PGPEP1L: variants seen among roughly 807,000 people sequenced by gnomAD.
PGPEP1L encodes the protein pyroglutamyl-peptidase I like.
Under a neutral mutation model 6.0 loss-of-function variants are expected in PGPEP1L, and 7 were observed. The ratio of observed to expected loss-of-function variants is 1.17; its 90% CI spans 0.66 to 2.19. PGPEP1L has a LOEUF of 2.19. Ranked by LOEUF, PGPEP1L falls within the 30% of genes most tolerant of loss-of-function variation. The probability of loss-of-function intolerance (pLI) is 0.00; values close to 1 mark genes in which losing one functional copy is unlikely to be tolerated. For synonymous variants in PGPEP1L, 103 were observed against 83.9 expected (o/e 1.23, Z -1.24); for missense variants, 209 against 192.5 (o/e 1.09, Z -0.51).
intron 4 of PGPEP1L, 62 bp from the exon 5 acceptor site, chr15:98,968,759 C>G (rs754009145): frequency 2.0e-6 from 3 of 1,468,506 alleles, no homozygotes; most frequent in Admixed American, 2.0e-5. Flanking sequence ...GTGAAACATA[C>G]GCAGAAGTGG....
chr15:99,007,360 T>C lies in PGPEP1L; in HGVS notation c.-371A>G, dbSNP rs1206876595. The C allele has an allele frequency of 2.6e-5, 4 of 152,296 alleles. No individual in the cohort carries two copies. The highest frequency in any genetic ancestry group is 9.6e-5 in the African/African-American group (4 of 41,466). The allele number at this position is 152,296 out of a possible 1,614,324, so 9.4% of individuals were successfully genotyped here. On this transcript the variant is annotated splice_region_variant and 5_prime_UTR_variant, in exon 1 of 5. Transcript: ENST00000535714. ...GCTCTCCTAGCTCCTATCACTTACC[T>C]AGTTCCGTCATGGTGTGTCCAGAAT...
At chr15:98,982,700 CTTTTTTTTTTTTTTTTTTTTTT>C (rs369749842) in intron 2 of PGPEP1L, among the ~76,000 whole-genome samples, 1,920 of 52,548 alleles carry the variant, frequency 0.037, 83 homozygotes, top group African/African-American at 0.094. Flanking sequence ...TTATCTGAGG[CTTTTTTTTTTTTTTTTTTTTTT>C]TTTTTTGAGA....
At chr15:98,974,241 T>TG (rs2017537104) in intron 2 of PGPEP1L, among the ~76,000 whole-genome samples, 1 of 152,062 alleles carries the variant, frequency 6.6e-6, no homozygotes, top group Non-Finnish European at 1.5e-5. Flanking sequence ...TAGCTAGGCC[T>TG]GCTGGCGCAC....
chr15:98,987,392 C>T (rs1031320387), intron 2 of PGPEP1L, among the ~76,000 whole-genome samples: 2 of 151,974 alleles, frequency 1.3e-5, no homozygotes, highest in African/African-American at 4.8e-5. Flanking sequence ...GATGCACTCA[C>T]CCTCAACATT....
chr15:98,969,493 G>GCAGA lies in PGPEP1L; in HGVS notation c.137_140dup (p.Met48LeufsTer28). 6.2e-7 allele frequency: 1 copy of GCAGA among 1,614,058 alleles called. No homozygotes were observed. ...CTACGCGCTTGCAGACTGCCTTCAT[G>GCAGA]CAGACCCCTGACTCCAGCACGTCTG... On this transcript the variant is annotated frameshift_variant, in exon 4 of 5. Transcript: ENST00000535714. LOFTEE classifies it high-confidence loss of function.
chr15:98,991,500 T>TG (rs2017819482), intron 2 of PGPEP1L, among the ~76,000 whole-genome samples: 3 of 152,134 alleles, frequency 2.0e-5, no homozygotes, highest in African/African-American at 7.2e-5. Flanking sequence ...CAGGACCAGA[T>TG]GGATTCATGG....
intron 2 of PGPEP1L, among the ~76,000 whole-genome samples, chr15:98,973,523 A>G (rs1033159258): frequency 1.3e-5 from 2 of 152,258 alleles, no homozygotes; most frequent in African/African-American, 2.4e-5. Flanking sequence ...TCTGACCACA[A>G]TGGACTAAAA....
intron 2 of PGPEP1L, among the ~76,000 whole-genome samples, chr15:98,990,833 G>A (rs1555471971): frequency 6.6e-6 from 1 of 152,136 alleles, no homozygotes; most frequent in Non-Finnish European, 1.5e-5. Flanking sequence ...ACAACTACAT[G>A]GAAACTGAAC....
At chr15:98,994,094 C>T (rs1279976919) in intron 2 of PGPEP1L, among the ~76,000 whole-genome samples, 2 of 151,688 alleles carry the variant, frequency 1.3e-5, no homozygotes, top group Non-Finnish European at 1.5e-5. Flanking sequence ...GGTGAAACCC[C>T]GTCTGTACTA....
chr15:98,968,461 G>T lies in PGPEP1L; in HGVS notation c.*17C>A. On this transcript the variant is annotated 3_prime_UTR_variant, in exon 5 of 5. Transcript: ENST00000535714. The stretch of plus-strand genomic sequence containing the variant: ...GGATTGAAACATTCAATTTTCTCTA[G>T]AGGAGCAATCCCCCGGTCAGTTCCC... 1 of 1,607,020 alleles carries T rather than the reference G, an allele frequency of 6.2e-7. No homozygotes were observed. Among genetic ancestry groups the T allele is most frequent in the Non-Finnish European group, 8.5e-7 (1 of 1,176,080 alleles).
rs369687330 is a variant in PGPEP1L at position 98,968,604 on chromosome 15, C to T, written c.303G>A (p.Pro101=). The part of the protein sequence containing the change: ...IHVPPLSRGL[P]ASLLGRALRV... ...TCAAGGCTCTTCCCAGCAGGCTGGC[C>T]GGGAGCCCGCGCGATAGTGGAGGGA... The change falls in exon 5 of 5, where the codon CCG becomes CCA. Residue 101 remains proline (P), a synonymous_variant. Transcript: ENST00000535714. The T allele has an allele frequency of 1.1e-5, 17 of 1,608,158 alleles. No individual in the cohort carries two copies. The African/African-American group carries it at 1.6e-4, about 15-fold the overall frequency.
Position 99,005,675 on chromosome 15 carries a change from G to C in PGPEP1L, c.-369-19C>G, listed in dbSNP as rs76978834. 8,634 of 152,356 alleles carry C rather than the reference G, an allele frequency of 0.057. 357 individuals carry two copies. Among genetic ancestry groups the C allele is most frequent in the African/African-American group, 0.12 (4,816 of 41,554 alleles). The allele number at this position is 152,356 out of a possible 1,614,324, so 9.4% of individuals were successfully genotyped here. A position where few individuals can be genotyped will look rare whatever the true frequency, so the allele number is the denominator to read the frequency against. On this transcript the variant is annotated intron_variant, in intron 1 of 4. Coordinates refer to ENST00000535714, the MANE Select transcript of PGPEP1L (RefSeq NM_001167902.2). ...CAAGGATCTAGGGGAGGGTGATAAA[G>C]CAATGCCCCTTGAAAGCAGAACGAT...
intron 2 of PGPEP1L, among the ~76,000 whole-genome samples, chr15:99,003,355 A>G (rs1179422532): frequency 6.6e-6 from 1 of 151,486 alleles, no homozygotes; most frequent in African/African-American, 2.4e-5. Flanking sequence ...AAATTAGAAA[A>G]ATCAACTCTG....
At chr15:98,984,871 G>A (rs1208181499) in intron 2 of PGPEP1L, among the ~76,000 whole-genome samples, 3 of 152,038 alleles carry the variant, frequency 2.0e-5, no homozygotes, top group Non-Finnish European at 2.9e-5. Context: ...GAGACTGATA[G>A]CAAGGACGGT....
chr15:98,988,581 G>T (rs955228979), intron 2 of PGPEP1L, among the ~76,000 whole-genome samples: 2 of 152,196 alleles, frequency 1.3e-5, no homozygotes, highest in Non-Finnish European at 1.5e-5. Context: ...AGACTTCAAC[G>T]TCCCTGCCTG....
At chr15:98,999,470 C>T (rs1407813450) in intron 2 of PGPEP1L, among the ~76,000 whole-genome samples, 11 of 152,160 alleles carry the variant, frequency 7.2e-5, no homozygotes, top group Admixed American at 5.9e-4. Flanking sequence ...AGGTCACTCA[C>T]ACATTGCTGG....
chr15:98,975,310 G>C (rs921758206), intron 2 of PGPEP1L, among the ~76,000 whole-genome samples: 135 of 152,210 alleles, frequency 8.9e-4, no homozygotes, highest in African/African-American at 3.2e-3. Context: ...ATGATTACCA[G>C]AAGGTGGGAA....
At position 98,980,953 on chromosome 15, in the gene PGPEP1L, T is replaced by A. The variant is rs550530193; in HGVS notation, c.-141-9795A>T. ...ATCTGGAAAAGGAAAAAAAAAAAAA[T>A]TAACTGTATGGTAGAGAGGCCTGAC... On this transcript the variant is annotated intron_variant, in intron 2 of 4. Coordinates refer to ENST00000535714, the MANE Select transcript of PGPEP1L (RefSeq NM_001167902.2). 2.1e-4 allele frequency among the ~76,000 whole-genome samples: 26 copies of A among 124,438 alleles called. No homozygotes were observed. In the South Asian group the frequency reaches 5.9e-3, roughly 28 times the overall value. The allele number at this position is 124,438 out of a possible 152,430, so 81.6% of individuals were successfully genotyped here.
intron 2 of PGPEP1L, among the ~76,000 whole-genome samples, chr15:99,001,713 T>C (rs1051424409): frequency 2.4e-4 from 36 of 152,118 alleles, no homozygotes; most frequent in African/African-American, 6.8e-4. Flanking sequence ...TTTGTGTTTT[T>C]TATTTTTGCT....
Sources: gnomAD v4.1 joint callset for allele counts (sites outside exome capture counted in the v4.1 genomes callset) on GRCh38, gnomAD v4.1.1 for gene constraint, MANE v1.5 for transcripts, NCBI Gene and HGNC (gene_info 2026-07-23, HGNC 2026-07-21) for gene names.